WNT7B: variants seen among roughly 807,000 people sequenced by gnomAD.
WNT7B encodes the protein Wnt family member 7B.
Under a neutral mutation model 38.2 loss-of-function variants are expected in WNT7B, and 19 were observed. The observed-to-expected ratio is 0.50, with a 90% CI of 0.35 to 0.73. The LOEUF (loss-of-function observed/expected upper bound fraction) is 0.73. Among genes scored for constraint, WNT7B ranks in the 30% least tolerant of loss-of-function variants. The pLI, the probability that WNT7B is intolerant of heterozygous loss-of-function variation, is 0.01. For synonymous variants in WNT7B, 243 were observed against 209.3 expected, an observed-to-expected ratio of 1.16 and a Z score of -1.39; for missense variants, 423 against 507.9, an observed-to-expected ratio of 0.83 and a Z score of 1.61.
chr22:45,963,029 A>C (rs918098131), intron 1 of WNT7B, among the ~76,000 whole-genome samples: 4 of 152,094 alleles, frequency 2.6e-5, no homozygotes, highest in African/African-American at 9.7e-5. Flanking sequence ...ACCTCTCTGC[A>C]GACTGCAAGA....
At chr22:45,929,258 T>C (rs973579464) in intron 3 of WNT7B, among the ~76,000 whole-genome samples, 4 of 152,196 alleles carry the variant, frequency 2.6e-5, no homozygotes, top group Non-Finnish European at 5.9e-5. Context: ...AGGCCTCCTT[T>C]ATGGCATGGA....
intron 1 of WNT7B, among the ~76,000 whole-genome samples, chr22:45,971,018 T>C (rs956200492): frequency 6.6e-6 from 1 of 152,216 alleles, no homozygotes; most frequent in African/African-American, 2.4e-5. Flanking sequence ...GAACTTTTGT[T>C]TCAAGATGCG....
At chr22:45,930,399 G>C (rs1931302014) in intron 3 of WNT7B, among the ~76,000 whole-genome samples, 2 of 148,268 alleles carry the variant, frequency 1.3e-5, no homozygotes, top group South Asian at 4.2e-4. Context: ...CTCGGAGCCG[G>C]AGCCGGCTGG....
At position 45,951,698 on chromosome 22, in the gene WNT7B, C is replaced by T. The variant is rs1044609218; in HGVS notation, c.72-1552G>A. ...GCGTCGTGTTTTCAAGGGTCATCCA[C>T]GTGGTCACAGGTCAGTGCTTCATGC... is the stretch of plus-strand genomic sequence containing the variant. On this transcript the variant is annotated intron_variant, in intron 1 of 3. Coordinates refer to ENST00000339464, the MANE Select transcript of WNT7B (RefSeq NM_058238.3). This position sits in a 1 kb window ranked among gnomAD's most constrained non-coding sequence, Gnocchi z 4.8. Among the ~76,000 whole-genome samples, 8 of 152,072 alleles carry T rather than the reference C, an allele frequency of 5.3e-5. No homozygotes were observed. Among genetic ancestry groups the T allele is most frequent in the East Asian group, 1.9e-4 (1 of 5,186 alleles).
intron 2 of WNT7B, among the ~76,000 whole-genome samples, chr22:45,946,079 C>T (rs536988116): frequency 4.2e-4 from 64 of 152,162 alleles, no homozygotes; most frequent in African/African-American, 1.4e-3. Flanking sequence ...GGGATGGGGG[C>T]GGCGCAGTGG....
At chr22:45,925,250 C>T (rs2051272380) in intron 3 of WNT7B, 27 of 980,574 alleles carry the variant, frequency 2.8e-5, no homozygotes, top group Non-Finnish European at 3.1e-5. Flanking sequence ...CTGTGTGGGC[C>T]CTAGGCTGGC....
At chr22:45,927,131 T>C (rs1931109707) in intron 3 of WNT7B, 4 of 985,446 alleles carry the variant, frequency 4.1e-6, no homozygotes, top group Non-Finnish European at 4.8e-6. Context: ...CTTGGGGGCA[T>C]GGCCTCTGTC....
intron 2 of WNT7B, among the ~76,000 whole-genome samples, chr22:45,943,633 G>C (rs1049535130): frequency 2.0e-5 from 3 of 152,182 alleles, no homozygotes; most frequent in Non-Finnish European, 4.4e-5. Flanking sequence ...GGATCCTGGC[G>C]GGCGGTTCCC....
chr22:45,970,918 C>T (rs1601743985), intron 1 of WNT7B, among the ~76,000 whole-genome samples: 2 of 152,250 alleles, frequency 1.3e-5, no homozygotes, highest in Non-Finnish European at 1.5e-5. Context: ...GGCTGCCCGC[C>T]GGGCCTGGAG....
At chr22:45,942,867 G>GTGTGTGCGTGTATGCATGTA (rs1555908638) in intron 2 of WNT7B, among the ~76,000 whole-genome samples, 4 of 151,894 alleles carry the variant, frequency 2.6e-5, no homozygotes, top group South Asian at 2.1e-4. Flanking sequence ...GTGTGTGTGT[G>GTGTGTGCGTGTATGCATGTA]TGTGCGTGTG....
chr22:45,926,922 C>A, intron 3 of WNT7B: 4 of 985,448 alleles, frequency 4.1e-6, no homozygotes, highest in Non-Finnish European at 4.8e-6. Context: ...ACGCTGTGGA[C>A]CCTCAGTCAG....
chr22:45,969,840 C>T (rs893319395), intron 1 of WNT7B, among the ~76,000 whole-genome samples: 19 of 152,310 alleles, frequency 1.2e-4, no homozygotes, highest in African/African-American at 4.3e-4. Context: ...CTCCACCCAG[C>T]GACCCTCCTA....
intron 1 of WNT7B, among the ~76,000 whole-genome samples, chr22:45,971,286 G>A (rs540723398): frequency 1.3e-5 from 2 of 152,322 alleles, no homozygotes; most frequent in Admixed American, 6.5e-5. Flanking sequence ...CAGGCTCTGA[G>A]GTTTAATCAG....
intron 3 of WNT7B, 89 bp downstream of exon 3, chr22:45,931,009 T>A (rs1931331470): frequency 6.9e-6 from 10 of 1,452,188 alleles, no homozygotes; most frequent in Non-Finnish European, 9.0e-6. Context: ...CAACTGCTTC[T>A]GCTAGAAGAG....
At chr22:45,943,632 C>A (rs374882726) in intron 2 of WNT7B, among the ~76,000 whole-genome samples, 1 of 152,184 alleles carries the variant, frequency 6.6e-6, no homozygotes, top group Non-Finnish European at 1.5e-5. Flanking sequence ...TGGATCCTGG[C>A]GGGCGGTTCC....
chr22:45,925,484 A>G (rs1405839088), intron 3 of WNT7B: 1 of 985,080 alleles, frequency 1.0e-6, no homozygotes, highest in African/African-American at 1.7e-5. Context: ...TGCAGGGCTA[A>G]GGGGCATCTG....
chr22:45,956,027 G>A (rs890404109), intron 1 of WNT7B, among the ~76,000 whole-genome samples: 4 of 152,078 alleles, frequency 2.6e-5, no homozygotes, highest in African/African-American at 7.2e-5. Flanking sequence ...GCTGCGGTGG[G>A]GGTGAGGGGC....
intron 1 of WNT7B, among the ~76,000 whole-genome samples, chr22:45,953,424 G>A (rs932371600): frequency 3.9e-5 from 6 of 152,192 alleles, no homozygotes; most frequent in Admixed American, 2.6e-4. Context: ...TCAAGTCTGC[G>A]CTCAGCCAGG....
rs755098151 is a variant in WNT7B, at chr22:45,952,849, TC to T, written c.72-2704del. 1.4e-4 allele frequency among the ~76,000 whole-genome samples: 21 copies of T among 152,252 alleles called. 1 individual carries two copies. The highest frequency in any genetic ancestry group is 1.2e-3 in the East Asian group (6 of 5,168). ...TCTGCTCAAAGCCCATCCATAGCTC[TC>T]CATTGCCCAGGGGACCGTCCCAGCC... On this transcript the variant is annotated intron_variant, in intron 1 of 3. Coordinates refer to ENST00000339464, the MANE Select transcript of WNT7B (RefSeq NM_058238.3).
Sources: allele counts gnomAD v4.1 joint callset (sites outside exome capture counted in the v4.1 genomes callset), GRCh38; gene constraint gnomAD v4.1.1; non-coding constraint Gnocchi (gnomAD v3.1); transcripts MANE v1.5; gene names NCBI Gene and HGNC (gene_info 2026-07-23, HGNC 2026-07-21).